Variants in DPP10 observed in about 807,000 individuals in gnomAD.
DPP10 encodes the protein dipeptidyl peptidase like 10, also known as inactive dipeptidyl peptidase 10.
A neutral mutation model predicts 120.9 loss-of-function variants in DPP10; 33 were observed. That is an observed-to-expected ratio of 0.27 (90% CI 0.21 to 0.37). The LOEUF is 0.37. Ranked by LOEUF, DPP10 falls within the 10% of genes least tolerant of loss-of-function variation. The pLI is 1.00. For missense variants in DPP10, 816 were observed against 942.8 expected (o/e 0.87, Z 1.76); for synonymous variants, 337 against 326.1 (o/e 1.03, Z -0.36).
At chr2:115,802,982 T>C (rs1025969680) in intron 19 of DPP10, among the ~76,000 whole-genome samples, 1 of 152,198 alleles carries the variant, frequency 6.6e-6, no homozygotes, top group African/African-American at 2.4e-5. Context: ...TTTCTGGATA[T>C]CCTTGTTAAC....
At chr2:115,639,491 T>G (rs1034254421) in intron 5 of DPP10, among the ~76,000 whole-genome samples, 1 of 152,172 alleles carries the variant, frequency 6.6e-6, no homozygotes, top group African/African-American at 2.4e-5. Flanking sequence ...GACAAACATC[T>G]GTCCTGGTGT....
At chr2:114,637,883 T>C (rs1433299243) in intron 1 of DPP10, among the ~76,000 whole-genome samples, 3 of 151,892 alleles carry the variant, frequency 2.0e-5, no homozygotes, top group Non-Finnish European at 4.4e-5. Context: ...TTTTGGTTAC[T>C]GTAGCGCTGT....
chr2:114,696,018 T>C (rs1354251694), intron 1 of DPP10, among the ~76,000 whole-genome samples: 1 of 152,084 alleles, frequency 6.6e-6, no homozygotes, highest in Non-Finnish European at 1.5e-5. Flanking sequence ...ACTTTATCAG[T>C]TTTCATTTTC....
intron 3 of DPP10, among the ~76,000 whole-genome samples, chr2:115,416,307 G>C (rs1319859535): frequency 6.6e-6 from 1 of 152,042 alleles, no homozygotes; most frequent in Non-Finnish European, 1.5e-5. Flanking sequence ...AGTATACTTT[G>C]GGATTTCACA....
chr2:114,590,295 T>C (rs181892514), intron 1 of DPP10, among the ~76,000 whole-genome samples: 28 of 152,190 alleles, frequency 1.8e-4, no homozygotes, highest in African/African-American at 6.7e-4. Flanking sequence ...TAAAAATGAA[T>C]GATAGTTTAT....
chr2:114,953,298 T>C (rs924550951), intron 1 of DPP10, among the ~76,000 whole-genome samples: 1 of 152,196 alleles, frequency 6.6e-6, no homozygotes, highest in African/African-American at 2.4e-5. Flanking sequence ...ATTACGTTAA[T>C]AAAGTCTATC....
chr2:114,492,029 A>C (rs2104443464), intron 1 of DPP10, among the ~76,000 whole-genome samples: 1 of 152,296 alleles, frequency 6.6e-6, no homozygotes, highest in South Asian at 2.1e-4. Context: ...AGGAAGGATT[A>C]ACATCCTTTT....
chr2:114,877,135 T>C (rs989614883), intron 1 of DPP10, among the ~76,000 whole-genome samples: 7 of 152,198 alleles, frequency 4.6e-5, no homozygotes, highest in African/African-American at 1.7e-4. Flanking sequence ...CTTGTGTATG[T>C]ATATGTATTT....
intron 1 of DPP10, among the ~76,000 whole-genome samples, chr2:114,477,179 G>A (rs1304959084): frequency 6.6e-6 from 1 of 151,896 alleles, no homozygotes; most frequent in East Asian, 2.0e-4. Context: ...GGCAGGTCTT[G>A]AACTCCTGAC....
At chr2:115,212,958 A>G (rs903135924) in intron 1 of DPP10, among the ~76,000 whole-genome samples, 4 of 152,114 alleles carry the variant, frequency 2.6e-5, no homozygotes, top group Non-Finnish European at 5.9e-5. Context: ...CAAATAGTTC[A>G]TTTATATAAT....
At chr2:115,321,557 T>C (rs1455277086) in intron 2 of DPP10, among the ~76,000 whole-genome samples, 1 of 146,610 alleles carries the variant, frequency 6.8e-6, no homozygotes, top group South Asian at 2.2e-4. Context: ...CTTGAACATA[T>C]AGTTCTATGT....
chr2:114,462,761 G>T (rs1361404401), intron 1 of DPP10, among the ~76,000 whole-genome samples: 1 of 152,236 alleles, frequency 6.6e-6, no homozygotes, highest in East Asian at 1.9e-4. Context: ...CTACCCTTAC[G>T]TGGTGGGGAA....
chr2:115,311,211 C>T (rs2061561695), intron 2 of DPP10, among the ~76,000 whole-genome samples: 1 of 152,142 alleles, frequency 6.6e-6, no homozygotes, highest in Non-Finnish European at 1.5e-5. Flanking sequence ...AGTTATTTAA[C>T]CTTCTCTCTC....
intron 2 of DPP10, among the ~76,000 whole-genome samples, chr2:115,341,208 A>G (rs748035524): frequency 6.6e-6 from 1 of 152,074 alleles, no homozygotes; most frequent in African/African-American, 2.4e-5. Flanking sequence ...TCCTGCCCCT[A>G]GTATTCCCTT....
rs558160636 is a variant in DPP10, at chr2:115,377,194, C to G, written c.271+33282C>G. ...CAGTGTAAAAGTGTTCGTATTTCTC[C>G]ACATCCTCTCCAGCACCTGTTGTTT... On this transcript the variant is annotated intron_variant, in intron 3 of 25. Coordinates refer to ENST00000410059, the MANE Select transcript of DPP10 (RefSeq NM_020868.6). 4.7e-3 allele frequency among the ~76,000 whole-genome samples: 707 copies of G among 152,032 alleles called. 7 individuals are homozygous for G. The highest frequency in any genetic ancestry group is 0.015 in the African/African-American group (634 of 41,502).
intron 1 of DPP10, among the ~76,000 whole-genome samples, chr2:115,209,707 A>G (rs2056382373): frequency 1.3e-5 from 2 of 152,184 alleles, no homozygotes; most frequent in African/African-American, 4.8e-5. Context: ...AGAAAAAAAA[A>G]TATTTAACTC....
At chr2:114,824,788 T>G (rs764228372) in intron 1 of DPP10, among the ~76,000 whole-genome samples, 2 of 152,168 alleles carry the variant, frequency 1.3e-5, no homozygotes, top group Non-Finnish European at 2.9e-5. Flanking sequence ...CAAACCAAAA[T>G]TCTAAAGGAA....
chr2:115,117,625 G>A (rs1167694786), intron 1 of DPP10, among the ~76,000 whole-genome samples: 3 of 152,108 alleles, frequency 2.0e-5, no homozygotes, highest in African/African-American at 7.2e-5. Flanking sequence ...AAAAATCAAA[G>A]TGTCTGTATT....
chr2:115,380,852 C>A (rs1484037375), intron 3 of DPP10, among the ~76,000 whole-genome samples: 6 of 152,076 alleles, frequency 3.9e-5, no homozygotes, highest in Non-Finnish European at 7.4e-5. Flanking sequence ...GTTGAAAATT[C>A]TTTTCTTTAG....
Sources: gnomAD v4.1 joint callset for allele counts (sites outside exome capture counted in the v4.1 genomes callset) on GRCh38, gnomAD v4.1.1 for gene constraint, MANE v1.5 for transcripts, NCBI Gene and HGNC (gene_info 2026-07-23, HGNC 2026-07-21) for gene names.